The following PTPRT variants were observed in gnomAD, a reference collection of about 807,000 sequenced individuals.
PTPRT encodes protein tyrosine phosphatase receptor type T.
In PTPRT, 56 loss-of-function variants were observed where a neutral mutation model predicts 176.8. That is an observed-to-expected ratio of 0.32 (90% CI 0.26 to 0.40). The LOEUF (loss-of-function observed/expected upper bound fraction) is 0.40. Ranked by LOEUF, PTPRT falls within the 10% of genes least tolerant of loss-of-function variation. The probability of loss-of-function intolerance (pLI) is 1.00; values close to 1 mark genes in which losing one functional copy is unlikely to be tolerated. For missense variants in PTPRT, 1,540 were observed against 1,908.2 expected, an observed-to-expected ratio of 0.81 and a Z score of 3.60; for synonymous variants, 783 against 739.0, an observed-to-expected ratio of 1.06 and a Z score of -0.96.
At chr20:43,040,817 T>G (rs1214475695) in intron 1 of PTPRT, among the ~76,000 whole-genome samples, 1 of 152,234 alleles carries the variant, frequency 6.6e-6, no homozygotes, top group Non-Finnish European at 1.5e-5. Flanking sequence ...TGTCTCCCTG[T>G]GCCCACTCAT....
intron 1 of PTPRT, among the ~76,000 whole-genome samples, chr20:42,916,017 GGTTA>G (rs1251567657): frequency 2.6e-5 from 4 of 151,990 alleles, no homozygotes; most frequent in Non-Finnish European, 4.4e-5. Flanking sequence ...ACAATGTGCA[GGTTA>G]GTTACATATG....
intron 16 of PTPRT, among the ~76,000 whole-genome samples, chr20:42,169,438 A>T (rs2146536174): frequency 6.6e-6 from 1 of 152,186 alleles, no homozygotes; most frequent in South Asian, 2.1e-4. Context: ...GGGGCTATAA[A>T]CATCCATTGC....
rs528002724 is a variant in PTPRT, at chr20:42,430,387, G to T, written c.1560+17833C>A. On this transcript the variant is annotated intron_variant, in intron 9 of 30. Coordinates refer to ENST00000373187, the MANE Select transcript of PTPRT (RefSeq NM_007050.6). ...TGCACAGTGACAACCTGGGGATCTT[G>T]TAACAGTGCAGACCCTGACTCAGAA... Among the ~76,000 whole-genome samples, 75 of 152,312 alleles carry T rather than the reference G, an allele frequency of 4.9e-4. 2 individuals carry two copies. The highest frequency in any genetic ancestry group is 4.8e-3 in the Admixed American group (74 of 15,296).
In PTPRT at chr20:42,637,693, C is replaced by G. The variant is rs139322410; in HGVS notation, c.1153+40173G>C. Among the ~76,000 whole-genome samples the G allele has an allele frequency of 2.4e-4, 36 of 152,192 alleles. No homozygotes were observed. The East Asian group carries it at 6.8e-3, about 29-fold the overall frequency. The stretch of plus-strand genomic sequence containing the variant: ...TACCGATTGTCAGCTCCTCTAAGAA[C>G]AGGGACTTGGTTTGATTCACTGCTG... On this transcript the variant is annotated intron_variant, in intron 7 of 30. Coordinates refer to ENST00000373187, the MANE Select transcript of PTPRT (RefSeq NM_007050.6).
At chr20:42,523,129 A>T (rs1395790590) in intron 7 of PTPRT, among the ~76,000 whole-genome samples, 1 of 152,176 alleles carries the variant, frequency 6.6e-6, no homozygotes, top group African/African-American at 2.4e-5. Flanking sequence ...TCTACTGAAA[A>T]TTGCAAGATC....
chr20:42,685,992 C>T (rs1269759722), intron 6 of PTPRT: 1 of 152,154 alleles, frequency 6.6e-6, no homozygotes, highest in African/African-American at 2.4e-5. Context: ...CCAGCAAGTT[C>T]CTCACCAATA....
intron 21 of PTPRT, chr20:42,115,966 G>C: frequency 1.4e-6 from 1 of 707,108 alleles, no homozygotes; most frequent in Non-Finnish European, 2.6e-6. Flanking sequence ...TTCCCCAGTC[G>C]ACTGTTTAAG....
intron 1 of PTPRT, among the ~76,000 whole-genome samples, chr20:42,997,063 AG>A (rs768266044): frequency 2.3e-4 from 35 of 152,190 alleles, no homozygotes; most frequent in Non-Finnish European, 4.7e-4. Context: ...GAATTGACAT[AG>A]CCTTTCTAAG....
intron 15 of PTPRT, among the ~76,000 whole-genome samples, chr20:42,204,972 TTC>T (rs2055417051): frequency 1.6e-5 from 2 of 125,782 alleles, no homozygotes; most frequent in South Asian, 5.4e-4. Context: ...ACGAAGGAAT[TTC>T]TTTTTTTTTT....
chr20:42,865,200 G>T (rs1205810639), intron 2 of PTPRT, among the ~76,000 whole-genome samples: 1 of 152,156 alleles, frequency 6.6e-6, no homozygotes, highest in African/African-American at 2.4e-5. Context: ...TAGAAAACTG[G>T]GAGTATTACC....
rs150532272 is a variant in PTPRT, at chr20:42,169,978, T to G, written c.2492-8436A>C. 2.9e-4 allele frequency among the ~76,000 whole-genome samples: 44 copies of G among 152,280 alleles called. 2 individuals carry two copies. The East Asian group carries it at 7.7e-3, about 27-fold the overall frequency. Reference sequence around the variant, plus strand: ...CTTTTGCAAGTTAAATAAAAATCTTTTATATGATATGGGAGGGAAGTTCCA... The same window carrying G: ...CTTTTGCAAGTTAAATAAAAATCTTGTATATGATATGGGAGGGAAGTTCCA... On this transcript the variant is annotated intron_variant, in intron 16 of 30. Coordinates refer to ENST00000373187, the MANE Select transcript of PTPRT (RefSeq NM_007050.6).
rs1357534821 is a variant in PTPRT, at chr20:42,879,756, TGC to T, written c.214+6049_214+6050del. 9.2e-5 allele frequency among the ~76,000 whole-genome samples: 13 copies of T among 140,930 alleles called. No individual in the cohort carries two copies. In the East Asian group the frequency reaches 2.0e-3, roughly 22 times the overall value. 92.5% of individuals were successfully genotyped at this position (140,930 alleles called of 152,430 possible). On this transcript the variant is annotated intron_variant, in intron 2 of 30. Coordinates refer to ENST00000373187, the MANE Select transcript of PTPRT (RefSeq NM_007050.6). ...AAATGTGTGTGTGTGTGTGTGTGTG[TGC>T]GCGTGTGTGTGTGTGCATGTGCATG...
chr20:42,846,266 A>G (rs558069180), intron 2 of PTPRT, among the ~76,000 whole-genome samples: 1 of 152,278 alleles, frequency 6.6e-6, no homozygotes, highest in East Asian at 1.9e-4. Flanking sequence ...TGCAGGGGAG[A>G]GGCATGCCGG....
intron 6 of PTPRT, chr20:42,685,779 T>C (rs571713691): frequency 1.9e-4 from 29 of 152,302 alleles, no homozygotes; most frequent in African/African-American, 6.7e-4. Context: ...TTTTTACAAA[T>C]GCCTAGTAAA....
At chr20:42,707,156 T>C (rs2146186613) in intron 6 of PTPRT, among the ~76,000 whole-genome samples, 1 of 152,324 alleles carries the variant, frequency 6.6e-6, no homozygotes, top group East Asian at 1.9e-4. Context: ...TGAATAAATT[T>C]CTGTGTGTTG....
chr20:42,709,657 G>A (rs1309780869), intron 6 of PTPRT, among the ~76,000 whole-genome samples: 1 of 152,198 alleles, frequency 6.6e-6, no homozygotes, highest in East Asian at 1.9e-4. Context: ...ACCAGGAATG[G>A]AGTGTTGCTA....
At chr20:42,434,357 C>G (rs987774785) in intron 9 of PTPRT, among the ~76,000 whole-genome samples, 2 of 152,112 alleles carry the variant, frequency 1.3e-5, no homozygotes, top group African/African-American at 2.4e-5. Context: ...ATTTATTGAA[C>G]CCTATTTTGT....
At chr20:42,523,658 CA>C (rs762900855) in intron 7 of PTPRT, among the ~76,000 whole-genome samples, 27 of 152,150 alleles carry the variant, frequency 1.8e-4, no homozygotes, top group Non-Finnish European at 3.4e-4. Flanking sequence ...AAGTTTAGTA[CA>C]ATGACGTAGA....
chr20:42,034,730 A>G, the PTPRT span, among the ~76,000 whole-genome samples: 3 of 152,166 alleles, frequency 2.0e-5, no homozygotes, highest in Non-Finnish European at 4.4e-5. Flanking sequence ...GGTAGTTTAA[A>G]TGGTTTTATC....
Sources: allele counts gnomAD v4.1 joint callset (sites outside exome capture counted in the v4.1 genomes callset), GRCh38; gene constraint gnomAD v4.1.1; transcripts MANE v1.5; gene names NCBI Gene and HGNC (gene_info 2026-07-23, HGNC 2026-07-21).